Variants in MGAT4D observed in about 807,000 individuals in gnomAD.
The protein encoded by MGAT4D is alpha-1,3-mannosyl-glycoprotein 4-beta-N-acetylglucosaminyltransferase-like protein MGAT4D.
A neutral mutation model predicts 15.9 loss-of-function variants in MGAT4D; 34 were observed. That is an observed-to-expected ratio of 2.14 (90% CI 1.62 to 2.84). The LOEUF is 2.84. MGAT4D is among the 30% of genes most tolerant of loss of function. MGAT4D has a pLI of 0.00. For synonymous variants in MGAT4D, 112 were observed against 48.2 expected, an observed-to-expected ratio of 2.33 and a Z score of -5.49; for missense variants, 327 against 140.2, an observed-to-expected ratio of 2.33 and a Z score of -6.73.
At chr4:140,449,991 A>G (rs1233850565) in intron 10 of MGAT4D, 1 of 253,710 alleles carries the variant, frequency 3.9e-6, no homozygotes, top group African/African-American at 2.2e-5. Flanking sequence ...TGAAGGATTA[A>G]TATTTTAAAA....
At position 140,497,858 on chromosome 4, in the gene MGAT4D, G is replaced by A. The variant is rs564740641; in HGVS notation, c.94+271C>T. 1.1e-4 allele frequency among the ~76,000 whole-genome samples: 16 copies of A among 152,348 alleles called. No individual in the cohort carries two copies. The South Asian group carries it at 3.3e-3, about 32-fold the overall frequency. On this transcript the variant is annotated intron_variant, in intron 1 of 10. Transcript: ENST00000511113. ...GAACCTTTGAGGAAAAGGGAGCGGC[G>A]GGTACCCTGGGCCAGATGCGTTAGC...
intron 9 of MGAT4D, among the ~76,000 whole-genome samples, chr4:140,451,718 C>T (rs1045411346): frequency 1.3e-5 from 2 of 152,096 alleles, no homozygotes; most frequent in African/African-American, 4.8e-5. Context: ...GTTTTCATTA[C>T]AACATGTATT....
chr4:140,446,582 T>A (rs1404238220), intron 10 of MGAT4D, among the ~76,000 whole-genome samples: 1 of 151,904 alleles, frequency 6.6e-6, no homozygotes, highest in Non-Finnish European at 1.5e-5. Context: ...ACAATTAAAC[T>A]AGTGGTTCAT....
chr4:140,491,178 T>G (rs1186395721), intron 1 of MGAT4D, among the ~76,000 whole-genome samples: 1 of 152,218 alleles, frequency 6.6e-6, no homozygotes, highest in Non-Finnish European at 1.5e-5. Context: ...ATTTGGACCT[T>G]GGATTCTGCT....
At position 140,463,603 on chromosome 4, in the gene MGAT4D, G is replaced by T. The variant is rs1560776105; in HGVS notation, c.686+1293C>A. ...GAATATAAAAAAAGCAGTACCCAAG[G>T]TCATTCTTGCCCTTCTGTGTCTCAT... On this transcript the variant is annotated intron_variant, in intron 6 of 10. Transcript: ENST00000511113. 2.6e-5 allele frequency among the ~76,000 whole-genome samples: 4 copies of T among 152,108 alleles called. No homozygotes were observed. The East Asian group carries it at 7.7e-4, about 29-fold the overall frequency.
Position 140,456,354 on chromosome 4 carries a change from AT to A in MGAT4D, c.1008+234del, listed in dbSNP as rs563094218. Among the ~76,000 whole-genome samples the A allele has an allele frequency of 3.8e-3, 576 of 149,970 alleles. 1 individual carries two copies. Among genetic ancestry groups the A allele is most frequent in the Non-Finnish European group, 6.6e-3 (445 of 67,290 alleles). On this transcript the variant is annotated intron_variant, in intron 9 of 10. Transcript: ENST00000511113. ...TGGCATGTTTGAATTTACGTCTATC[AT>A]TTTTTTTTCTATTTGTTCACTCTGT...
intron 1 of MGAT4D, among the ~76,000 whole-genome samples, chr4:140,490,972 T>C (rs1733464571): frequency 6.6e-6 from 1 of 152,244 alleles, no homozygotes; most frequent in Non-Finnish European, 1.5e-5. Context: ...TTCAACTAGA[T>C]ATTCCAACAT....
intron 8 of MGAT4D, 83 bp downstream of exon 8, chr4:140,459,429 A>G: frequency 2.7e-6 from 1 of 370,102 alleles, no homozygotes; most frequent in East Asian, 3.8e-5. Context: ...ATTTAGTAAT[A>G]AACAAACTGA....
intron 1 of MGAT4D, among the ~76,000 whole-genome samples, chr4:140,495,051 C>T (rs570760608): frequency 1.5e-4 from 23 of 152,328 alleles, no homozygotes; most frequent in Non-Finnish European, 2.9e-5. Context: ...ATCTTACTCA[C>T]AATAAAATGC....
chr4:140,485,532 C>A (rs1367811568), intron 1 of MGAT4D, among the ~76,000 whole-genome samples: 2 of 150,984 alleles, frequency 1.3e-5, no homozygotes, highest in East Asian at 3.9e-4. Flanking sequence ...GCTCATGTAC[C>A]CTAAAACTTA....
intron 2 of MGAT4D, among the ~76,000 whole-genome samples, chr4:140,481,430 A>C (rs6851507): frequency 0.25 from 37,641 of 152,118 alleles, 5,033 homozygotes; most frequent in East Asian, 0.48. Context: ...ATATACTTAC[A>C]TATGCCCTGT....
intron 7 of MGAT4D, among the ~76,000 whole-genome samples, chr4:140,461,188 T>C (rs541601227): frequency 1.3e-5 from 2 of 152,284 alleles, no homozygotes; most frequent in African/African-American, 4.8e-5. Flanking sequence ...GTGTTTCAAA[T>C]TGGGAAGAGT....
chr4:140,457,578 A>G (rs1355816295), intron 8 of MGAT4D: 1 of 152,200 alleles, frequency 6.6e-6, no homozygotes, highest in African/African-American at 2.4e-5. Context: ...TGGCAAGCTC[A>G]TATTTTTAGC....
intron 1 of MGAT4D, among the ~76,000 whole-genome samples, chr4:140,493,381 T>G (rs1229044056): frequency 6.7e-6 from 1 of 150,136 alleles, no homozygotes; most frequent in Non-Finnish European, 1.5e-5. Context: ...CTGCAAGCTC[T>G]GCCTCCCGGG....
intron 3 of MGAT4D, among the ~76,000 whole-genome samples, chr4:140,476,039 T>C (rs1732308246): frequency 6.6e-6 from 1 of 152,122 alleles, no homozygotes; most frequent in African/African-American, 2.4e-5. Flanking sequence ...CTCGAACTCC[T>C]GACCTCAAGT....
intron 3 of MGAT4D, among the ~76,000 whole-genome samples, chr4:140,475,651 A>C (rs1255992601): frequency 1.4e-5 from 2 of 147,498 alleles, no homozygotes; most frequent in East Asian, 2.0e-4. Flanking sequence ...GAAAGCGGTA[A>C]TAAAACTGCA....
chr4:140,482,903 G>C (rs1732842670), intron 1 of MGAT4D, among the ~76,000 whole-genome samples: 1 of 151,980 alleles, frequency 6.6e-6, no homozygotes, highest in Non-Finnish European at 1.5e-5. Flanking sequence ...ACACAGATTT[G>C]GACTAAGGAT....
intron 10 of MGAT4D, 84 bp downstream of exon 10, chr4:140,451,326 T>C: frequency 2.3e-6 from 1 of 437,060 alleles, no homozygotes; most frequent in South Asian, 5.8e-5. Flanking sequence ...TTATAGTGTC[T>C]TATGTCACCA....
At chr4:140,450,282 T>C (rs567815815) in intron 10 of MGAT4D, among the ~76,000 whole-genome samples, 1 of 152,204 alleles carries the variant, frequency 6.6e-6, no homozygotes, top group Non-Finnish European at 1.5e-5. Context: ...TAATATGCCA[T>C]GAATTTACAA....
Sources: gnomAD v4.1 joint callset for allele counts (sites outside exome capture counted in the v4.1 genomes callset) on GRCh38, gnomAD v4.1.1 for gene constraint, MANE v1.5 for transcripts, NCBI Gene and HGNC (gene_info 2026-07-23, HGNC 2026-07-21) for gene names.